SGSM3: variants seen among roughly 807,000 people sequenced by gnomAD.
The protein encoded by SGSM3 is RUN and SH3 containing 3.
In SGSM3, 96 loss-of-function variants were observed where a neutral mutation model predicts 100.5. The observed-to-expected ratio is 0.96, with a 90% CI of 0.81 to 1.13. The LOEUF (loss-of-function observed/expected upper bound fraction) is 1.13, where lower values mean the gene tolerates loss of function less well. Ranked by LOEUF, SGSM3 falls within the 50% of genes most tolerant of loss-of-function variation. The pLI, the probability that SGSM3 is intolerant of heterozygous loss-of-function variation, is 0.00. For missense variants in SGSM3, 1,001 were observed against 1,015.8 expected (o/e 0.99, Z 0.20); for synonymous variants, 483 against 422.8 (o/e 1.14, Z -1.75).
intron 2 of SGSM3, among the ~76,000 whole-genome samples, chr22:40,401,388 C>T (rs1729346957): frequency 6.6e-6 from 1 of 152,196 alleles, no homozygotes; most frequent in South Asian, 2.1e-4. Flanking sequence ...GCTGGGATTA[C>T]AGGCATGTGC....
intron 1 of SGSM3, among the ~76,000 whole-genome samples, chr22:40,399,692 T>C (rs2050482955): frequency 6.6e-6 from 1 of 152,244 alleles, no homozygotes; most frequent in Non-Finnish European, 1.5e-5. Flanking sequence ...ATATCACATA[T>C]ATTTTACACT....
chr22:40,406,718 A>G, intron 10 of SGSM3, 56 bp downstream of exon 10: 1 of 1,449,032 alleles, frequency 6.9e-7, no homozygotes, highest in Non-Finnish European at 9.6e-7. Flanking sequence ...AGGAGGGGTC[A>G]CCTTGAAGTT....
Position 40,408,379 on chromosome 22 carries a change from A to C in SGSM3, c.1732A>C (p.Lys578Gln), listed in dbSNP as rs1026793347. ...LKALFEHGLK[K>Q]PSLLGGACHP... ...GGCCCTGTTCGAACATGGACTGAAG[A>C]AGCCATCCCTGCTTGGGGGCGCCTG... Residue 578 changes from lysine (K) to glutamine (Q), a missense_variant, in exon 16 of 22, where the codon AAG becomes CAG. Transcript: ENST00000248929. 1.9e-5 allele frequency: 30 copies of C among 1,613,376 alleles called. No homozygotes were observed. Among genetic ancestry groups the C allele is most frequent in the Non-Finnish European group, 2.4e-5 (28 of 1,180,012 alleles).
At chr22:40,389,269 C>A (rs1167696288) in intron 1 of SGSM3, among the ~76,000 whole-genome samples, 8 of 152,178 alleles carry the variant, frequency 5.3e-5, no homozygotes, top group Admixed American at 1.3e-4. Context: ...GAAGTGATTA[C>A]ACAGCTAAAT....
At chr22:40,395,363 C>T (rs1213430567) in intron 1 of SGSM3, among the ~76,000 whole-genome samples, 3 of 151,864 alleles carry the variant, frequency 2.0e-5, no homozygotes, top group Non-Finnish European at 4.4e-5. Context: ...ACTCTGTCGC[C>T]CAGGCTGGAG....
chr22:40,373,291 C>T (rs2045931482), intron 1 of SGSM3: 2 of 152,178 alleles, frequency 1.3e-5, no homozygotes, highest in African/African-American at 4.8e-5. Flanking sequence ...TGAAACTTTC[C>T]TGTGATCATA....
Position 40,407,887 on chromosome 22 carries a change from G to A in SGSM3, c.1579+44G>A, listed in dbSNP as rs1463673741. 7 of 1,570,110 alleles carry A rather than the reference G, an allele frequency of 4.5e-6. No homozygotes were observed. The East Asian group carries it at 6.7e-5, about 15-fold the overall frequency. ...TCTTGAGCTGGGAGAGGGAGGAGGG[G>A]GTGGGCACAGAAGACTTGGGTGACC... is the stretch of plus-strand genomic sequence containing the variant. On this transcript the variant is annotated intron_variant, in intron 14 of 21. Coordinates refer to ENST00000248929, the MANE Select transcript of SGSM3 (RefSeq NM_015705.6). The surrounding 1 kb of genome is among the most constrained non-coding windows in gnomAD (Gnocchi z 4.7).
Position 40,405,755 on chromosome 22 carries a change from TG to T in SGSM3, c.728del (p.Gly243ValfsTer33). On this transcript the variant is annotated frameshift_variant, in exon 8 of 22. Transcript: ENST00000248929. LOFTEE classifies it high-confidence loss of function. ...GCCTCCTACTTCAGCACCACCCTGC[TG>T]GGTGTCCAGACTGACCAGCGGGTCC... is the stretch of plus-strand genomic sequence containing the variant. ...LPASYFSTTL[L>X]GVQTDQRVLR... is the part of the protein sequence containing the mutation. 6.2e-7 allele frequency: 1 copy of T among 1,613,808 alleles called. No individual in the cohort carries two copies. Among genetic ancestry groups the T allele is most frequent in the Non-Finnish European group, 8.5e-7 (1 of 1,179,984 alleles).
At chr22:40,397,698 T>G (rs772105576) in intron 1 of SGSM3, among the ~76,000 whole-genome samples, 3 of 152,194 alleles carry the variant, frequency 2.0e-5, no homozygotes, top group Non-Finnish European at 4.4e-5. Flanking sequence ...CCCTCCAGCC[T>G]GCTGGCTGCC....
intron 1 of SGSM3, among the ~76,000 whole-genome samples, chr22:40,399,440 C>T (rs563353356): frequency 2.6e-5 from 4 of 152,286 alleles, no homozygotes; most frequent in Non-Finnish European, 5.9e-5. Context: ...TTCCCAGGGC[C>T]ATCTAGCTGG....
chr22:40,386,105 C>T (rs898212915), intron 1 of SGSM3, among the ~76,000 whole-genome samples: 4 of 151,632 alleles, frequency 2.6e-5, no homozygotes, highest in African/African-American at 9.7e-5. Context: ...GTCTTGAACT[C>T]CTGCACTCAA....
intron 6 of SGSM3, 161 bp from the exon 7 acceptor site, chr22:40,404,980 G>A (rs899352622): frequency 1.8e-5 from 9 of 511,458 alleles, no homozygotes; most frequent in South Asian, 8.4e-5. Context: ...TTGATGTCCC[G>A]GCTCCACACT....
chr22:40,380,111 A>G (rs2047316139), intron 1 of SGSM3, among the ~76,000 whole-genome samples: 1 of 152,138 alleles, frequency 6.6e-6, no homozygotes, highest in South Asian at 2.1e-4. Flanking sequence ...TGTACCTACT[A>G]CAGAACCTAG....
chr22:40,392,882 G>A (rs181070892), intron 1 of SGSM3, among the ~76,000 whole-genome samples: 7 of 152,140 alleles, frequency 4.6e-5, no homozygotes, highest in Admixed American at 3.9e-4. Context: ...TCTACTTTCA[G>A]TCTTTATGGA....
chr22:40,386,562 CTTT>C (rs60319316), intron 1 of SGSM3, among the ~76,000 whole-genome samples: 4 of 68,364 alleles, frequency 5.9e-5, no homozygotes, highest in African/African-American at 1.7e-4. Flanking sequence ...AATTTTCTTA[CTTT>C]TTTTTTTTTT....
Position 40,405,754 on chromosome 22 carries a change from C to T in SGSM3, c.724C>T (p.Leu242=). 6.2e-7 allele frequency: 1 copy of T among 1,613,816 alleles called. No individual in the cohort carries two copies. Reference sequence around the variant, plus strand: ...CGCCTCCTACTTCAGCACCACCCTGCTGGGTGTCCAGACTGACCAGCGGGT... The same window carrying T: ...CGCCTCCTACTTCAGCACCACCCTGTTGGGTGTCCAGACTGACCAGCGGGT... The part of the protein sequence containing the change: ...LPASYFSTTL[L]GVQTDQRVLR... The change falls in exon 8 of 22, where the codon CTG becomes TTG. Residue 242 remains leucine (L), a synonymous_variant. Transcript: ENST00000248929.
At chr22:40,395,352 C>A (rs2049909371) in intron 1 of SGSM3, among the ~76,000 whole-genome samples, 2 of 150,444 alleles carry the variant, frequency 1.3e-5, no homozygotes, top group South Asian at 4.2e-4. Context: ...GACAGGATCT[C>A]ACTCTGTCGC....
intron 1 of SGSM3, chr22:40,387,195 A>G (rs2048610491): frequency 2.5e-6 from 1 of 398,586 alleles, no homozygotes; most frequent in East Asian, 3.6e-5. Context: ...TGCTTAACAC[A>G]TATTATTTTT....
intron 6 of SGSM3, among the ~76,000 whole-genome samples, chr22:40,404,922 C>G (rs556626212): frequency 6.6e-6 from 1 of 152,164 alleles, no homozygotes; most frequent in South Asian, 2.1e-4. Context: ...CTCCAGGCCT[C>G]GGGCCACACG....
Sources: gnomAD v4.1 joint callset for allele counts (sites outside exome capture counted in the v4.1 genomes callset) on GRCh38, gnomAD v4.1.1 for gene constraint, Gnocchi (gnomAD v3.1) non-coding constraint, MANE v1.5 for transcripts, NCBI Gene and HGNC (gene_info 2026-07-23, HGNC 2026-07-21) for gene names.